The following RICTOR variants were observed in gnomAD, a reference collection of about 807,000 sequenced individuals.
RICTOR encodes the protein RPTOR independent companion of MTOR complex 2.
RICTOR carries 49 observed loss-of-function variants against 214.9 expected under a neutral mutation model. That is an observed-to-expected ratio of 0.23 (90% confidence interval 0.18 to 0.29). The LOEUF is 0.29. RICTOR is among the 10% of genes least tolerant of loss of function. The pLI is 1.00. For missense variants in RICTOR, 1,625 were observed against 2,047.0 expected, an observed-to-expected ratio of 0.79 and a Z score of 3.98; for synonymous variants, 717 against 711.3, an observed-to-expected ratio of 1.01 and a Z score of -0.13.
chr5:38,996,849 C>T lies in RICTOR; in HGVS notation c.426G>A (p.Glu142=). The change falls in exon 6 of 38, where the codon GAG becomes GAA. Residue 142 remains glutamate (E), a synonymous_variant. Coordinates refer to ENST00000357387, the MANE Select transcript of RICTOR (RefSeq NM_152756.5). ...CIDIQQSNEV[E]RTQALRLVRK... ...TGACTAATCGAAGTGCTTGTGTCCT[C>T]TCTACCTCGTTGCTCTGTTGTATGT... 3.7e-6 allele frequency: 6 copies of T among 1,611,418 alleles called. No individual in the cohort carries two copies. Among genetic ancestry groups the T allele is most frequent in the Non-Finnish European group, 4.2e-6 (5 of 1,177,818 alleles).
intron 10 of RICTOR, among the ~76,000 whole-genome samples, chr5:38,974,333 C>G (rs1751029380): frequency 6.6e-6 from 1 of 151,990 alleles, no homozygotes; most frequent in South Asian, 2.1e-4. Flanking sequence ...CCCCACCCCT[C>G]TAAGTTTCTA....
At chr5:38,999,039 A>AC (rs1561514488) in intron 5 of RICTOR, among the ~76,000 whole-genome samples, 1 of 148,538 alleles carries the variant, frequency 6.7e-6, no homozygotes, top group African/African-American at 2.5e-5. Context: ...AAAAAAAAAA[A>AC]AAAAAAAAAA....
At position 38,981,899 on chromosome 5, in the gene RICTOR, G is replaced by T. The variant is rs1214153391; in HGVS notation, c.721C>A (p.Arg241=). 19 of 1,612,380 alleles carry T rather than the reference G, an allele frequency of 1.2e-5. No individual in the cohort carries two copies. Among genetic ancestry groups the T allele is most frequent in the Non-Finnish European group, 1.6e-5 (19 of 1,178,832 alleles). ...TCTACATCAGCTCGCACATACTGTC[G>T]AGTCTTTGGATGATTAAGAAGGTGC... ...ILHLLNHPKT[R]QYVRADVELE... Residue 241 remains arginine (R), a synonymous_variant, in exon 8 of 38, where the codon CGA becomes AGA. Transcript: ENST00000357387.
At chr5:39,014,197 C>T (rs1046913200) in intron 3 of RICTOR, among the ~76,000 whole-genome samples, 2 of 152,122 alleles carry the variant, frequency 1.3e-5, no homozygotes, top group Non-Finnish European at 2.9e-5. Context: ...CGATGCATTC[C>T]TTTACCATAC....
At chr5:38,974,050 GTTTC>G (rs561265366) in intron 10 of RICTOR, among the ~76,000 whole-genome samples, 55 of 152,002 alleles carry the variant, frequency 3.6e-4, no homozygotes, top group African/African-American at 1.3e-3. Context: ...ACCCCTCTAA[GTTTC>G]TTTCTTTTTT....
intron 7 of RICTOR, among the ~76,000 whole-genome samples, chr5:38,989,365 T>C (rs1328488199): frequency 6.6e-6 from 1 of 152,042 alleles, no homozygotes; most frequent in Non-Finnish European, 1.5e-5. Flanking sequence ...AAGAATTAAC[T>C]TGAGATGGAT....
At chr5:38,960,866 T>G (rs958859370) in intron 19 of RICTOR, among the ~76,000 whole-genome samples, 3 of 152,058 alleles carry the variant, frequency 2.0e-5, no homozygotes, top group Non-Finnish European at 4.4e-5. Context: ...CACCAGCTTT[T>G]CCCCCTGTGC....
chr5:38,999,735 T>A (rs1426827224), intron 5 of RICTOR, among the ~76,000 whole-genome samples: 1 of 151,960 alleles, frequency 6.6e-6, no homozygotes, highest in African/African-American at 2.4e-5. Context: ...AACTCATAAA[T>A]ACACACAAAT....
chr5:38,946,424 T>C (rs1748198990), intron 33 of RICTOR, 44 bp downstream of exon 33: 2 of 1,221,970 alleles, frequency 1.6e-6, no homozygotes, highest in Admixed American at 1.8e-5. Context: ...GTTTTCTTTT[T>C]AATATAAAGA....
At chr5:39,000,326 A>C (rs961007552) in intron 5 of RICTOR, among the ~76,000 whole-genome samples, 5 of 152,026 alleles carry the variant, frequency 3.3e-5, no homozygotes, top group African/African-American at 7.2e-5. Flanking sequence ...ACAAACATAC[A>C]TACTCCCAAT....
intron 2 of RICTOR, among the ~76,000 whole-genome samples, chr5:39,026,275 T>TA (rs1266463139): frequency 6.6e-6 from 1 of 152,088 alleles, no homozygotes; most frequent in African/African-American, 2.4e-5. Flanking sequence ...CCCAGGAGGT[T>TA]AAGGCTGCAG....
chr5:39,040,332 G>C (rs1757071889), intron 2 of RICTOR, among the ~76,000 whole-genome samples: 1 of 118,142 alleles, frequency 8.5e-6, no homozygotes, highest in Non-Finnish European at 1.7e-5. Context: ...TGGGGGGAGG[G>C]GGGAGGGATA....
chr5:38,950,549 T>C lies in RICTOR; in HGVS notation c.3299A>G (p.Asn1100Ser), dbSNP rs1748669896. 9 of 1,613,370 alleles carry C rather than the reference T, an allele frequency of 5.6e-6. No individual in the cohort carries two copies. Among genetic ancestry groups the C allele is most frequent in the Non-Finnish European group, 7.6e-6 (9 of 1,179,524 alleles). ...TTTTTTGTTAGGCAAAGTAAGCGAA[T>C]TTAAGATACGATTCTTCACAAGTTT... ...SSKLVKNRIL[N>S]SLTLPNKKHR... The change falls in exon 31 of 38, where the codon AAT becomes AGT. Residue 1100 changes from asparagine to serine, a missense_variant. By Grantham distance (46) the Asn-to-Ser change is conservative. This residue lies in a region of RICTOR where 1,214 missense variants were observed against 1,470.5 expected (regional missense o/e 0.83). Transcript: ENST00000357387.
chr5:38,992,651 C>A (rs1378788925), intron 6 of RICTOR, among the ~76,000 whole-genome samples: 1 of 152,110 alleles, frequency 6.6e-6, no homozygotes, highest in Non-Finnish European at 1.5e-5. Flanking sequence ...CCAGATTGTG[C>A]TATGAAATAT....
intron 2 of RICTOR, among the ~76,000 whole-genome samples, chr5:39,051,389 T>C (rs1379305082): frequency 6.6e-6 from 1 of 152,096 alleles, no homozygotes; most frequent in Non-Finnish European, 1.5e-5. Context: ...TTTTCACAAA[T>C]AAAAAAAGTT....
At chr5:39,018,246 C>T (rs1050109489) in intron 3 of RICTOR, among the ~76,000 whole-genome samples, 1 of 152,008 alleles carries the variant, frequency 6.6e-6, no homozygotes, top group Non-Finnish European at 1.5e-5. Flanking sequence ...GACCAGGGCC[C>T]CCACAATTTG....
rs184588289 is a variant in RICTOR, at chr5:39,018,344, A to G, written c.195+2695T>C. ...GTTCTTTGGGCTTATGGCTATATTT[A>G]TGAAATATGGCACACATATGTAGTT... is the stretch of plus-strand genomic sequence containing the variant. On this transcript the variant is annotated intron_variant, in intron 3 of 37. Transcript: ENST00000357387. 5.9e-4 allele frequency among the ~76,000 whole-genome samples: 90 copies of G among 152,268 alleles called. 1 individual carries two copies. Among genetic ancestry groups the G allele is most frequent in the Non-Finnish European group, 1.1e-3 (73 of 67,994 alleles).
chr5:38,990,501 T>TACGATATATACATGATATATAC (rs1561500512), intron 7 of RICTOR, among the ~76,000 whole-genome samples: 5 of 55,892 alleles, frequency 8.9e-5, no homozygotes, highest in African/African-American at 2.6e-4. Flanking sequence ...AATACATATA[T>TACGATATATACATGATATATAC]ACGATATATA....
rs190039549 is a variant in RICTOR, at chr5:39,035,689, C to T, written c.98-14553G>A. The stretch of plus-strand genomic sequence containing the variant: ...TGACGAAGGCACAAGCCTCAGTAGC[C>T]GATTCGATCAACTGGAAGAAAGGGT... On this transcript the variant is annotated intron_variant, in intron 2 of 37. Coordinates refer to ENST00000357387, the MANE Select transcript of RICTOR (RefSeq NM_152756.5). 3.2e-3 allele frequency among the ~76,000 whole-genome samples: 481 copies of T among 152,128 alleles called. 4 individuals carry two copies. Among genetic ancestry groups the T allele is most frequent in the African/African-American group, 0.011 (459 of 41,480 alleles).
Sources: gnomAD v4.1 joint callset for allele counts (sites outside exome capture counted in the v4.1 genomes callset) on GRCh38, gnomAD v4.1.1 for gene constraint, gnomAD v4.1.1 regional missense constraint, MANE v1.5 for transcripts, NCBI Gene and HGNC (gene_info 2026-07-23, HGNC 2026-07-21) for gene names.